Variants in HADHA observed in about 807,000 individuals in gnomAD.
The protein encoded by HADHA is trifunctional enzyme subunit alpha, mitochondrial.
A neutral mutation model predicts 91.3 loss-of-function variants in HADHA; 59 were observed. The ratio of observed to expected loss-of-function variants is 0.65; its 90% CI spans 0.52 to 0.80. The LOEUF (loss-of-function observed/expected upper bound fraction) is 0.80, where lower values mean the gene tolerates loss of function less well. Among genes scored for constraint, HADHA ranks in the 30% least tolerant of loss-of-function variants. The probability of loss-of-function intolerance (pLI) is 0.00; values close to 1 mark genes in which losing one functional copy is unlikely to be tolerated. For synonymous variants in HADHA, 320 were observed against 338.9 expected (o/e 0.94, Z 0.61); for missense variants, 800 against 927.6 (o/e 0.86, Z 1.79).
At position 26,228,969 on chromosome 2, in the gene HADHA, C is replaced by G. The variant is rs575015089; in HGVS notation, c.676+1223G>C. Among the ~76,000 whole-genome samples, 3 of 152,244 alleles carry G rather than the reference C, an allele frequency of 2.0e-5. No individual in the cohort carries two copies. In the South Asian group the frequency reaches 6.2e-4, roughly 32 times the overall value. The stretch of plus-strand genomic sequence containing the variant: ...TGCTATGATTACAGGTGTGAGCCAC[C>G]ATGCACGGCTATTTTTGGATTGTGG... On this transcript the variant is annotated intron_variant, in intron 7 of 19. Coordinates refer to ENST00000380649, the MANE Select transcript of HADHA (RefSeq NM_000182.5).
At chr2:26,195,300 C>T in intron 14 of HADHA, 68 bp from the exon 15 acceptor site, 1 of 1,313,416 alleles carries the variant, frequency 7.6e-7, no homozygotes. Context: ...CATTCCTTCT[C>T]TGCTAGGAAA....
In HADHA at chr2:26,191,654, TAGA is replaced by T. The variant is rs149347225; in HGVS notation, c.2001-29_2001-27del. ...CTGCCAACAGAAAGAGATGTTTAGG[TAGA>T]AGAAGAGGAAAAGGGGAGGAAAGCC... On this transcript the variant is annotated intron_variant, in intron 18 of 19. Coordinates refer to ENST00000380649, the MANE Select transcript of HADHA (RefSeq NM_000182.5). 10,126 of 1,612,914 alleles carry T rather than the reference TAGA, an allele frequency of 6.3e-3. 44 individuals carry two copies. The highest frequency in any genetic ancestry group is 7.6e-3 in the Non-Finnish European group (8,971 of 1,179,138).
In HADHA at chr2:26,214,466, GA is replaced by G; in HGVS notation, c.894del (p.Pro299LeufsTer4). ...ACATCAATTATTTTCAGAGGTGCAG[GA>G]TAAAGGCCTTTAGTCTGCTTTCGCA... ...EKVRKQTKGL[Y>X]PAPLKIIDVV... On this transcript the variant is annotated frameshift_variant, in exon 9 of 20. Transcript: ENST00000380649. LOFTEE classifies it high-confidence loss of function. This position sits in a 1 kb window ranked among gnomAD's most constrained non-coding sequence, Gnocchi z 4.1. 6.4e-7 allele frequency: 1 copy of G among 1,559,966 alleles called. No individual in the cohort carries two copies. Among genetic ancestry groups the G allele is most frequent in the Non-Finnish European group, 8.8e-7 (1 of 1,132,410 alleles).
chr2:26,193,599 C>T lies in HADHA; in HGVS notation c.1863G>A (p.Gln621=), dbSNP rs1396271017. The T allele has an allele frequency of 6.8e-6, 11 of 1,613,590 alleles. No homozygotes were observed. Among genetic ancestry groups the T allele is most frequent in the Middle Eastern group, 3.3e-4 (2 of 6,078 alleles). Residue 621 remains glutamine, a synonymous_variant, in exon 17 of 20, where the codon CAG becomes CAA. Transcript: ENST00000380649. ...FGGGNPELLT[Q]MVSKGFLGRK... ...CACCTAGGAAGCCCTTGGACACCAT[C>T]TGTGTCAGCAGTTCTGGGTTTCCAC...
intron 11 of HADHA, among the ~76,000 whole-genome samples, chr2:26,205,500 G>A (rs1669949448): frequency 6.6e-6 from 1 of 152,158 alleles, no homozygotes; most frequent in Non-Finnish European, 1.5e-5. Flanking sequence ...AAAAAAGACT[G>A]ATACATTTGC....
At chr2:26,201,826 G>A (rs1401568981) in intron 12 of HADHA, among the ~76,000 whole-genome samples, 4 of 150,748 alleles carry the variant, frequency 2.7e-5, no homozygotes, top group African/African-American at 4.9e-5. Context: ...ACGGAGTCTC[G>A]CTCTGTTGCC....
At chr2:26,241,625 T>G (rs1369175472) in intron 1 of HADHA, among the ~76,000 whole-genome samples, 3 of 151,848 alleles carry the variant, frequency 2.0e-5, no homozygotes, top group Non-Finnish European at 2.9e-5. Context: ...CACTCCAGGC[T>G]GGGTGACACA....
At chr2:26,243,659 A>C (rs1260277738) in intron 1 of HADHA, among the ~76,000 whole-genome samples, 1 of 152,230 alleles carries the variant, frequency 6.6e-6, no homozygotes, top group African/African-American at 2.4e-5. Flanking sequence ...AATTAAATTA[A>C]AAGTTAAAAT....
At position 26,204,191 on chromosome 2, in the gene HADHA, A is replaced by AGGCAAG; in HGVS notation, c.1090_1091insCTTGCC (p.His363_Leu364insProCys). The AGGCAAG allele has an allele frequency of 6.2e-7, 1 of 1,614,046 alleles. No individual in the cohort carries two copies. The highest frequency in any genetic ancestry group is 8.5e-7 in the Non-Finnish European group (1 of 1,179,846). Reference sequence around the variant, plus strand: ...CATCAGCCCTGCACCAAGAATAGCCAGATGCCTGCAAGGCAAGGATGAAAT... The same window carrying AGGCAAG: ...CATCAGCCCTGCACCAAGAATAGCCAGGCAAGGATGCCTGCAAGGCAAGGATGAAAT... On this transcript the variant is annotated inframe_insertion, in exon 12 of 20. Transcript: ENST00000380649.
chr2:26,192,008 G>T (rs1000297620), intron 18 of HADHA, among the ~76,000 whole-genome samples: 7 of 152,158 alleles, frequency 4.6e-5, no homozygotes, highest in Admixed American at 3.9e-4. Flanking sequence ...GCAGGGGAGG[G>T]CCTTCACCAG....
chr2:26,195,260 A>T, intron 14 of HADHA, 28 bp from the exon 15 acceptor site: 1 of 1,602,916 alleles, frequency 6.2e-7, no homozygotes, highest in South Asian at 1.1e-5. Context: ...AAGCCAACAG[A>T]TCGGAGAATG....
rs377130384 is a variant in HADHA at position 26,214,428 on chromosome 2, T to G, written c.918+15A>C. ...AGGAAATATGAGAAAAGTGGGAATA[T>G]TGGGTAAGACTCACATCAATTATTT... On this transcript the variant is annotated intron_variant, in intron 9 of 19. Transcript: ENST00000380649. The surrounding 1 kb of genome is among the most constrained non-coding windows in gnomAD (Gnocchi z 4.1). 1 of 1,171,806 alleles carries G rather than the reference T, an allele frequency of 8.5e-7. No homozygotes were observed. Among genetic ancestry groups the G allele is most frequent in the Non-Finnish European group, 1.3e-6 (1 of 777,516 alleles). 72.6% of individuals were successfully genotyped at this position (1,171,806 alleles called of 1,614,324 possible).
At chr2:26,208,149 C>A (rs1176056367) in intron 11 of HADHA, among the ~76,000 whole-genome samples, 25 of 152,082 alleles carry the variant, frequency 1.6e-4, no homozygotes, top group Admixed American at 1.6e-3. Context: ...TGATTCAAGG[C>A]AGTTTTTTTT....
At chr2:26,227,719 C>T (rs1206430782) in intron 7 of HADHA, among the ~76,000 whole-genome samples, 13 of 152,092 alleles carry the variant, frequency 8.5e-5, no homozygotes, top group Admixed American at 3.9e-4. Flanking sequence ...CTCGTAATCC[C>T]GGCTTCTTGG....
intron 14 of HADHA, among the ~76,000 whole-genome samples, chr2:26,197,145 C>G (rs1296364575): frequency 6.6e-6 from 1 of 152,210 alleles, no homozygotes; most frequent in East Asian, 1.9e-4. Flanking sequence ...TGTTTTACTT[C>G]TCTTTGAATG....
intron 15 of HADHA, 35 bp downstream of exon 15, chr2:26,195,057 C>A (rs1669626242): frequency 1.3e-6 from 2 of 1,588,662 alleles, no homozygotes; most frequent in African/African-American, 2.7e-5. Flanking sequence ...TAGAACTTTT[C>A]AAAAACTCTG....
At chr2:26,220,203 G>A (rs1670342236) in intron 7 of HADHA, among the ~76,000 whole-genome samples, 1 of 152,196 alleles carries the variant, frequency 6.6e-6, no homozygotes, top group Non-Finnish European at 1.5e-5. Context: ...TTTAGCTCAG[G>A]TCTGTCTCAG....
intron 7 of HADHA, among the ~76,000 whole-genome samples, chr2:26,228,547 A>G (rs565871483): frequency 6.6e-6 from 1 of 152,360 alleles, no homozygotes; most frequent in African/African-American, 2.4e-5. Flanking sequence ...ACTATGGTAC[A>G]TTTCTACAAT....
At chr2:26,244,346 A>G (rs1009918321) in intron 1 of HADHA, among the ~76,000 whole-genome samples, 184 bp downstream of exon 1, 5 of 152,216 alleles carry the variant, frequency 3.3e-5, no homozygotes, top group African/African-American at 9.6e-5. Context: ...AGGAGTCGTG[A>G]GAGGGGAAGT....
Sources: allele counts gnomAD v4.1 joint callset (sites outside exome capture counted in the v4.1 genomes callset), GRCh38; gene constraint gnomAD v4.1.1; non-coding constraint Gnocchi (gnomAD v3.1); transcripts MANE v1.5; gene names NCBI Gene and HGNC (gene_info 2026-07-23, HGNC 2026-07-21).